The following CLDN14 variants were observed in gnomAD, a reference collection of about 807,000 sequenced individuals.
CLDN14 encodes the protein claudin 14, also known as claudin-14.
Under a neutral mutation model 2.1 loss-of-function variants are expected in CLDN14, and 2 were observed. The observed-to-expected ratio is 0.96, with a 90% CI of 0.39 to 3.01. CLDN14 has a LOEUF of 3.01. Among genes scored for constraint, CLDN14 ranks in the 30% most tolerant of loss-of-function variants. The pLI, the probability that CLDN14 is intolerant of heterozygous loss-of-function variation, is 0.09. For missense variants in CLDN14, 298 were observed against 328.0 expected, an observed-to-expected ratio of 0.91 and a Z score of 0.71; for synonymous variants, 136 against 154.4, an observed-to-expected ratio of 0.88 and a Z score of 0.88.
intron 1 of CLDN14, among the ~76,000 whole-genome samples, chr21:36,565,788 G>A (rs2087669079): frequency 1.3e-5 from 2 of 152,164 alleles, no homozygotes; most frequent in Non-Finnish European, 2.9e-5. Context: ...TACAGCTGGT[G>A]CTATAAAAAA....
In CLDN14 at chr21:36,548,052, G is replaced by A. The variant is rs390103; in HGVS notation, c.-220+28359C>T. On this transcript the variant is annotated intron_variant, in intron 1 of 2. Transcript: ENST00000342108. ...CCTCTGCCTCTCAACTCTGGCTCCCGGGCTTTTTGTCAGTCCCTTGGATTC... is the reference window on the plus strand; with the variant it reads ...CCTCTGCCTCTCAACTCTGGCTCCCAGGCTTTTTGTCAGTCCCTTGGATTC... Among the ~76,000 whole-genome samples, 718 of 152,042 alleles carry A rather than the reference G, an allele frequency of 4.7e-3. 6 individuals are homozygous for A. Among genetic ancestry groups the A allele is most frequent in the Non-Finnish European group, 7.3e-3 (493 of 67,982 alleles).
At chr21:36,494,343 A>C (rs1241704526) in intron 2 of CLDN14, among the ~76,000 whole-genome samples, 1 of 152,114 alleles carries the variant, frequency 6.6e-6, no homozygotes, top group Non-Finnish European at 1.5e-5. Flanking sequence ...GGCTGAGAGG[A>C]TATTCCTAAC....
intron 1 of CLDN14, among the ~76,000 whole-genome samples, chr21:36,571,179 A>G (rs116038152): frequency 6.6e-6 from 1 of 152,344 alleles, no homozygotes; most frequent in African/African-American, 2.4e-5. Context: ...GACACTGTGT[A>G]GAAAGCTGAA....
chr21:36,465,715 G>A (rs2086637743), intron 1 of CLDN14, among the ~76,000 whole-genome samples: 1 of 152,204 alleles, frequency 6.6e-6, no homozygotes, highest in African/African-American at 2.4e-5. Context: ...GCCCATGCAG[G>A]GCTGAACTGG....
intron 1 of CLDN14, among the ~76,000 whole-genome samples, chr21:36,524,072 C>G (rs1159497011): frequency 2.2e-4 from 34 of 151,950 alleles, no homozygotes; most frequent in Admixed American, 2.2e-3. Context: ...AGATCTATAC[C>G]CATCAGCAGT....
At chr21:36,470,186 C>T (rs1470958537) in intron 1 of CLDN14, among the ~76,000 whole-genome samples, 3 of 152,066 alleles carry the variant, frequency 2.0e-5, no homozygotes, top group East Asian at 1.9e-4. Flanking sequence ...TTGACCTGGT[C>T]CCCCAAAAGA....
intron 2 of CLDN14, among the ~76,000 whole-genome samples, chr21:36,492,125 G>A (rs986045722): frequency 1.1e-4 from 17 of 151,748 alleles, no homozygotes; most frequent in Admixed American, 3.3e-4. Context: ...GCAACATGGC[G>A]AAACTCTGTC....
At chr21:36,517,579 G>T (rs2087238347) in intron 1 of CLDN14, among the ~76,000 whole-genome samples, 1 of 151,896 alleles carries the variant, frequency 6.6e-6, no homozygotes, top group South Asian at 2.1e-4. Context: ...AGCTTTTGTT[G>T]CAATGACAAG....
At chr21:36,518,173 C>T (rs2087242949) in intron 1 of CLDN14, among the ~76,000 whole-genome samples, 1 of 152,104 alleles carries the variant, frequency 6.6e-6, no homozygotes, top group Non-Finnish European at 1.5e-5. Flanking sequence ...GTTTCAGTTT[C>T]TGGTCTGAAA....
intron 2 of CLDN14, among the ~76,000 whole-genome samples, chr21:36,489,123 A>AT (rs2086932086): frequency 1.2e-5 from 1 of 86,744 alleles, no homozygotes; most frequent in East Asian, 5.0e-4. Context: ...CAAAGAAAAA[A>AT]AAAAAAAAAT....
At chr21:36,533,706 T>G (rs2087400162) in intron 1 of CLDN14, among the ~76,000 whole-genome samples, 2 of 152,150 alleles carry the variant, frequency 1.3e-5, no homozygotes, top group African/African-American at 4.8e-5. Context: ...TGGGTGGAGC[T>G]GGAGGCCATT....
At chr21:36,463,813 A>G (rs944944261) in intron 1 of CLDN14, among the ~76,000 whole-genome samples, 1 of 152,256 alleles carries the variant, frequency 6.6e-6, no homozygotes, top group Non-Finnish European at 1.5e-5. Context: ...TGATGCTTCC[A>G]CTGGGAGTCT....
At chr21:36,489,280 T>C (rs2086937290) in intron 2 of CLDN14, among the ~76,000 whole-genome samples, 1 of 151,522 alleles carries the variant, frequency 6.6e-6, no homozygotes. Flanking sequence ...CCATCAAATG[T>C]GGTCTTGCAG....
chr21:36,563,850 T>C (rs187691686), intron 1 of CLDN14, among the ~76,000 whole-genome samples: 32 of 152,286 alleles, frequency 2.1e-4, no homozygotes, highest in African/African-American at 7.5e-4. Flanking sequence ...GTGAAACTAA[T>C]AATCCTCAAA....
intron 1 of CLDN14, among the ~76,000 whole-genome samples, chr21:36,547,666 A>G (rs441734): frequency 0.83 from 126,637 of 152,128 alleles, 53,210 homozygotes; most frequent in Non-Finnish European, 0.9. Context: ...CAACTCCAGG[A>G]AGCAGGTCTC....
chr21:36,485,841 AG>A (rs1249766316), intron 2 of CLDN14: 4 of 499,074 alleles, frequency 8.0e-6, no homozygotes, highest in Non-Finnish European at 1.4e-5. Context: ...GGGAAATGAG[AG>A]GTTCCATTTC....
chr21:36,523,646 G>A lies in CLDN14; in HGVS notation c.-219-13146C>T, dbSNP rs551449497. Among the ~76,000 whole-genome samples, 1,157 of 150,964 alleles carry A rather than the reference G, an allele frequency of 7.7e-3. 16 individuals carry two copies. Among genetic ancestry groups the A allele is most frequent in the African/African-American group, 0.027 (1,104 of 40,954 alleles). ...ACTTGTAACCCCAGCTACTCGGGAG[G>A]CTAAGGCAGGAGAATCGCTTGGACC... On this transcript the variant is annotated intron_variant, in intron 1 of 2. Transcript: ENST00000342108.
intron 1 of CLDN14, among the ~76,000 whole-genome samples, chr21:36,556,684 C>T (rs1271615770): frequency 6.6e-6 from 1 of 152,178 alleles, no homozygotes; most frequent in Non-Finnish European, 1.5e-5. Flanking sequence ...GTGAATTCTC[C>T]GTGTCCACAG....
At chr21:36,494,757 C>T (rs2087000047) in intron 2 of CLDN14, among the ~76,000 whole-genome samples, 1 of 152,180 alleles carries the variant, frequency 6.6e-6, no homozygotes, top group Admixed American at 6.5e-5. Context: ...AGAAACCCAC[C>T]CTGTGGGTGC....
Sources: gnomAD v4.1 joint callset for allele counts (sites outside exome capture counted in the v4.1 genomes callset) on GRCh38, gnomAD v4.1.1 for gene constraint, MANE v1.5 for transcripts, NCBI Gene and HGNC (gene_info 2026-07-23, HGNC 2026-07-21) for gene names.